Variants in SGO2 observed in about 807,000 individuals in gnomAD.
SGO2 encodes shugoshin-like 2.
Under a neutral mutation model 99.5 loss-of-function variants are expected in SGO2, and 68 were observed. The observed-to-expected ratio is 0.68, with a 90% CI of 0.56 to 0.84. The LOEUF (loss-of-function observed/expected upper bound fraction) is 0.84, where lower values mean the gene tolerates loss of function less well. Among genes scored for constraint, SGO2 ranks in the 40% least tolerant of loss-of-function variants. SGO2 has a pLI of 0.00. For synonymous variants in SGO2, 457 were observed against 487.1 expected (o/e 0.94, Z 0.81); for missense variants, 1,350 against 1,436.7 (o/e 0.94, Z 0.97).
At chr2:200,563,277 A>G (rs2033046318) in intron 5 of SGO2, among the ~76,000 whole-genome samples, 3 of 152,248 alleles carry the variant, frequency 2.0e-5, no homozygotes, top group Middle Eastern at 6.8e-3. Flanking sequence ...AGGGCTGTTG[A>G]ATTTTGTTAA....
At position 200,584,011 on chromosome 2, in the gene SGO2, T is replaced by G. The variant is rs1404166077; in HGVS notation, c.*547T>G. Among the ~76,000 whole-genome samples, 1 of 152,228 alleles carries G rather than the reference T, an allele frequency of 6.6e-6. No individual in the cohort carries two copies. Among genetic ancestry groups the G allele is most frequent in the African/African-American group, 2.4e-5 (1 of 41,462 alleles). ...AGAGGAGGAGATTAACCTTTCAGGC[T>G]CTTTTGAATTTGGTTTTTATAATTT... On this transcript the variant is annotated 3_prime_UTR_variant, in exon 9 of 9. Transcript: ENST00000357799.
chr2:200,541,467 C>G (rs2031953980), intron 4 of SGO2, among the ~76,000 whole-genome samples: 1 of 152,180 alleles, frequency 6.6e-6, no homozygotes, highest in Non-Finnish European at 1.5e-5. Context: ...TGGCCTAAAC[C>G]TTCCCCTCAT....
chr2:200,531,690 G>A (rs2031389130), intron 1 of SGO2: 1 of 152,224 alleles, frequency 6.6e-6, no homozygotes, highest in South Asian at 2.1e-4. Context: ...CATAAATGAG[G>A]TGCTTAAAAC....
chr2:200,572,938 A>G lies in SGO2; in HGVS notation c.2592A>G (p.Thr864=). 1 of 1,598,914 alleles carries G rather than the reference A, an allele frequency of 6.3e-7. No individual in the cohort carries two copies. The highest frequency in any genetic ancestry group is 8.5e-7 in the Non-Finnish European group (1 of 1,175,110). ...ENLQVTNEFQ[T]VDLLIKDNGN... ...TACAAGTCACAAATGAATTTCAAAC[A>G]GTTGATCTTCTCATCAAAGATAATG... is the stretch of plus-strand genomic sequence containing the variant. The change falls in exon 7 of 9, where the codon ACA becomes ACG. Residue 864 remains threonine, a synonymous_variant. Transcript: ENST00000357799.
At position 200,572,162 on chromosome 2, in the gene SGO2, G is replaced by A. The variant is rs2033452443; in HGVS notation, c.1816G>A (p.Glu606Lys). The part of the protein sequence containing the change: ...VTDIQPSEQN[E>K]SNINKLRKKV... ...TGATATTCAACCCTCAGAGCAAAAT[G>A]AATCAAACATTAATAAGCTTAGAAA... is the stretch of plus-strand genomic sequence containing the variant. Residue 606 changes from glutamate to lysine, a missense_variant, in exon 7 of 9, where the codon GAA (glutamate) becomes AAA (lysine). Glu to Lys is a moderately conservative substitution (Grantham distance 56). Transcript: ENST00000357799. 1.2e-6 allele frequency: 2 copies of A among 1,612,150 alleles called. No individual in the cohort carries two copies. The highest frequency in any genetic ancestry group is 1.7e-5 in the Admixed American group (1 of 59,768).
In SGO2 at chr2:200,572,376, A is replaced by T; in HGVS notation, c.2030A>T (p.Asn677Ile). 6.2e-7 allele frequency: 1 copy of T among 1,613,442 alleles called. No individual in the cohort carries two copies. Residue 677 changes from asparagine to isoleucine, a missense_variant, in exon 7 of 9, where the codon AAT (asparagine) becomes ATT (isoleucine). By Grantham distance (149) the Asn-to-Ile change is moderately radical (BLOSUM62 -3). Transcript: ENST00000357799. ...LQIPALSTRD[N>I]ENQCDYRTQN... Reference sequence around the variant, plus strand: ...ATCCCAGCTCTTTCTACTAGAGATAATGAAAATCAATGTGACTATAGGACC... The same window carrying T: ...ATCCCAGCTCTTTCTACTAGAGATATTGAAAATCAATGTGACTATAGGACC...
chr2:200,529,647 C>G lies in SGO2; in HGVS notation c.-2-3327C>G, dbSNP rs1359478071. ...GTTCAAGCATTTCTCCTGCCTCAGC[C>G]TCCTGAGTACCTGGGATTACGGGCA... On this transcript the variant is annotated intron_variant, in intron 1 of 8. Coordinates refer to ENST00000357799, the MANE Select transcript of SGO2 (RefSeq NM_152524.6). Among the ~76,000 whole-genome samples, 5 of 152,316 alleles carry G rather than the reference C, an allele frequency of 3.3e-5. No homozygotes were observed. The East Asian group carries it at 9.7e-4, about 29-fold the overall frequency.
At position 200,573,593 on chromosome 2, in the gene SGO2, A is replaced by G. The variant is rs1239105168; in HGVS notation, c.3247A>G (p.Lys1083Glu). The G allele has an allele frequency of 6.2e-7, 1 of 1,605,844 alleles. No homozygotes were observed. Among genetic ancestry groups the G allele is most frequent in the East Asian group, 2.2e-5 (1 of 44,828 alleles). ...NKMTSKSKKR[K>E]TSIDPSPESH... ...AATGACATCTAAGTCAAAGAAAAGG[A>G]AGACCTCCATAGATCCTTCTCCAGA... Residue 1083 changes from lysine (K) to glutamate (E), a missense_variant, in exon 7 of 9, where the codon AAG (lysine) becomes GAG (glutamate). By Grantham distance (56) the Lys-to-Glu change is moderately conservative. Transcript: ENST00000357799.
At chr2:200,548,679 A>G (rs980772015) in intron 5 of SGO2, among the ~76,000 whole-genome samples, 2 of 152,168 alleles carry the variant, frequency 1.3e-5, no homozygotes, top group African/African-American at 2.4e-5. Context: ...GGTTTTTTGA[A>G]AAGATAAACA....
chr2:200,526,187 AGCCGCAGCCGCTGCTGCTC>A (rs1000189418), upstream of SGO2: 1 of 152,376 alleles, frequency 6.6e-6, no homozygotes, highest in African/African-American at 2.4e-5. This position sits in a 1 kb window ranked among gnomAD's most constrained non-coding sequence, Gnocchi z 4.8. Flanking sequence ...TTTAAACCCA[AGCCGCAGCCGCTGCTGCTC>A]GCCGAGCTCC....
At chr2:200,551,638 G>A (rs1204336091) in intron 5 of SGO2, among the ~76,000 whole-genome samples, 1 of 152,048 alleles carries the variant, frequency 6.6e-6, no homozygotes, top group East Asian at 1.9e-4. Flanking sequence ...TCCCATTCAT[G>A]TTTATATATT....
Position 200,573,730 on chromosome 2 carries a change from G to A in SGO2, c.3384G>A (p.Lys1128=). 6.2e-7 allele frequency: 1 copy of A among 1,612,300 alleles called. No homozygotes were observed. Among genetic ancestry groups the A allele is most frequent in the East Asian group, 2.2e-5 (1 of 44,834 alleles). Residue 1128 remains lysine (K), a synonymous_variant, in exon 7 of 9, where the codon AAG becomes AAA. Coordinates refer to ENST00000357799, the MANE Select transcript of SGO2 (RefSeq NM_152524.6). ...NLENEKMVKN[K]PDFYTKAFRS... ...AGAATGAGAAAATGGTCAAAAATAA[G>A]CCAGACTTTTACACAAAGGCATTTA... is the stretch of plus-strand genomic sequence containing the variant.
intron 5 of SGO2, among the ~76,000 whole-genome samples, chr2:200,551,512 AAATGGG>A (rs1238679652): frequency 6.6e-6 from 1 of 152,166 alleles, no homozygotes; most frequent in Non-Finnish European, 1.5e-5. Context: ...GTAGACTTAA[AAATGGG>A]AAAGATGTAA....
chr2:200,566,563 C>A (rs2033196018), intron 5 of SGO2, among the ~76,000 whole-genome samples: 1 of 152,196 alleles, frequency 6.6e-6, no homozygotes, highest in Admixed American at 6.5e-5. Context: ...AGATCTCAAA[C>A]CCTGGGCTGG....
chr2:200,580,865 A>AT (rs570040409), intron 8 of SGO2, among the ~76,000 whole-genome samples: 1 of 151,950 alleles, frequency 6.6e-6, no homozygotes. Flanking sequence ...ACACAAAAAA[A>AT]TTTTTTTTTA....
In SGO2 at chr2:200,571,382, A is replaced by G. The variant is rs563085526; in HGVS notation, c.1036A>G (p.Asn346Asp). 1.9e-6 allele frequency: 3 copies of G among 1,611,110 alleles called. No individual in the cohort carries two copies. Among genetic ancestry groups the G allele is most frequent in the Admixed American group, 3.3e-5 (2 of 59,798 alleles). ...SAREPNAECMNQIEDNDDFQL... is the reference protein window; with the variant it reads ...SAREPNAECMDQIEDNDDFQL... ...CAGAGAACCTAATGCAGAGTGCATG[A>G]ATCAAATTGAGGATAATGATGACTT... Residue 346 changes from asparagine to aspartate, a missense_variant, in exon 7 of 9, where the codon AAT (asparagine) becomes GAT (aspartate). Transcript: ENST00000357799.
rs371845060 is a variant in SGO2 at position 200,572,174 on chromosome 2, A to T, written c.1828A>T (p.Asn610Tyr). The T allele has an allele frequency of 4.3e-5, 70 of 1,612,748 alleles. No homozygotes were observed. The African/African-American group carries it at 8.3e-4, about 19-fold the overall frequency. The change falls in exon 7 of 9, where the codon AAT becomes TAT. Residue 610 changes from asparagine to tyrosine, a missense_variant. Physicochemically the swap from Asn to Tyr is moderately radical, Grantham distance 143 (BLOSUM62 -2). Coordinates refer to ENST00000357799, the MANE Select transcript of SGO2 (RefSeq NM_152524.6). ...CTCAGAGCAAAATGAATCAAACATT[A>T]ATAAGCTTAGAAAGAAAGTAAACCG... is the stretch of plus-strand genomic sequence containing the variant. ...QPSEQNESNI[N>Y]KLRKKVNRKT...
intron 4 of SGO2, among the ~76,000 whole-genome samples, chr2:200,538,062 G>A (rs999792107): frequency 3.3e-5 from 5 of 152,106 alleles, no homozygotes; most frequent in South Asian, 2.1e-4. Flanking sequence ...ATTAATATTA[G>A]CATCCCAACT....
chr2:200,560,507 A>G (rs1372136152), intron 5 of SGO2, among the ~76,000 whole-genome samples: 1 of 151,954 alleles, frequency 6.6e-6, no homozygotes, highest in Non-Finnish European at 1.5e-5. Context: ...ATTTTGTCAA[A>G]TGATTTTTTT....
Sources: gnomAD v4.1 joint callset for allele counts (sites outside exome capture counted in the v4.1 genomes callset) on GRCh38, gnomAD v4.1.1 for gene constraint, Gnocchi (gnomAD v3.1) non-coding constraint, MANE v1.5 for transcripts, NCBI Gene and HGNC (gene_info 2026-07-23, HGNC 2026-07-21) for gene names.